The following ARHGAP6 variants were observed in gnomAD, a reference collection of about 807,000 sequenced individuals.
The protein encoded by ARHGAP6 is Rho GTPase activating protein 6, also known as rho GTPase-activating protein 6.
Under a neutral mutation model 55.7 loss-of-function variants are expected in ARHGAP6, and 16 were observed. The ratio of observed to expected loss-of-function variants is 0.29; its 90% CI spans 0.19 to 0.44. The LOEUF is 0.44. Among genes scored for constraint, ARHGAP6 ranks in the 20% least tolerant of loss-of-function variants. The probability of loss-of-function intolerance (pLI) is 1.00; values close to 1 mark genes in which losing one functional copy is unlikely to be tolerated. For missense variants in ARHGAP6, 698 were observed against 808.9 expected (o/e 0.86, Z 1.66); for synonymous variants, 382 against 360.9 (o/e 1.06, Z -0.66).
chrX:11,153,831 A>T (rs1427732980), intron 10 of ARHGAP6, among the ~76,000 whole-genome samples: 1 of 110,597 alleles, frequency 9.0e-6, no homozygotes, highest in Non-Finnish European at 1.9e-5. Context: ...TTATTATTAT[A>T]CTTTAAGTTT....
At chrX:11,615,382 A>G (rs766520597) in intron 1 of ARHGAP6, among the ~76,000 whole-genome samples, 26 of 110,981 alleles carry the variant, frequency 2.3e-4, no homozygotes, top group Non-Finnish European at 4.5e-4. Context: ...TCTTTTTTCT[A>G]CTCCCAGGAA....
chrX:11,177,871 G>A (rs1365928254), intron 8 of ARHGAP6, among the ~76,000 whole-genome samples: 2 of 111,578 alleles, frequency 1.8e-5, no homozygotes, highest in African/African-American at 6.5e-5. Flanking sequence ...GAAAATGACA[G>A]CCTCATTTGG....
intron 1 of ARHGAP6, among the ~76,000 whole-genome samples, chrX:11,297,290 C>T (rs779075042): frequency 3.6e-5 from 4 of 111,919 alleles, no homozygotes; most frequent in African/African-American, 9.7e-5. Flanking sequence ...GGAGAGACTC[C>T]GCAGAACAGC....
At chrX:11,566,986 C>T (rs376359961) in intron 1 of ARHGAP6, among the ~76,000 whole-genome samples, 3 of 111,716 alleles carry the variant, frequency 2.7e-5, no homozygotes, top group South Asian at 7.6e-4. Flanking sequence ...CACAACAAAC[C>T]CAGTAAAAAT....
At chrX:11,417,814 G>A (rs1230020501) in intron 1 of ARHGAP6, among the ~76,000 whole-genome samples, 5 of 111,725 alleles carry the variant, frequency 4.5e-5, no homozygotes, top group Non-Finnish European at 9.4e-5. Flanking sequence ...GCCCCACTAC[G>A]TACTAGCTGT....
At chrX:11,524,768 T>C (rs746646371) in intron 1 of ARHGAP6, among the ~76,000 whole-genome samples, 1 of 111,221 alleles carries the variant, frequency 9.0e-6, no homozygotes, top group African/African-American at 3.3e-5. Context: ...GTGCACCTTA[T>C]TTCTATTATT....
intron 1 of ARHGAP6, among the ~76,000 whole-genome samples, chrX:11,558,953 G>A (rs1324898709): frequency 1.2e-4 from 12 of 103,105 alleles, no homozygotes. Context: ...CTCTACTACA[G>A]TTAACTGCTT....
At chrX:11,597,732 C>T (rs772724507) in intron 1 of ARHGAP6, among the ~76,000 whole-genome samples, 4 of 111,336 alleles carry the variant, frequency 3.6e-5, no homozygotes, top group Non-Finnish European at 7.5e-5. Flanking sequence ...ATGTTCCAGG[C>T]AGAGAGAAGA....
intron 1 of ARHGAP6, among the ~76,000 whole-genome samples, chrX:11,494,300 C>T (rs1324836470): frequency 4.5e-5 from 5 of 111,992 alleles, no homozygotes; most frequent in Non-Finnish European, 7.5e-5. Context: ...TTAAAATCCA[C>T]ACAAAATGGT....
At chrX:11,268,151 C>T (rs757147429) in intron 1 of ARHGAP6, among the ~76,000 whole-genome samples, 45 of 111,795 alleles carry the variant, frequency 4.0e-4, no homozygotes, top group Non-Finnish European at 7.1e-4. Flanking sequence ...GTTTATATCA[C>T]TGGTGATATT....
chrX:11,344,874 T>C (rs1208219225), intron 1 of ARHGAP6, among the ~76,000 whole-genome samples: 1 of 110,523 alleles, frequency 9.0e-6, no homozygotes, highest in Non-Finnish European at 1.9e-5. Flanking sequence ...TACCCTTACC[T>C]GGGAGAGAGC....
intron 1 of ARHGAP6, among the ~76,000 whole-genome samples, chrX:11,645,102 A>G (rs887189053): frequency 6.3e-5 from 7 of 111,927 alleles, no homozygotes; most frequent in African/African-American, 2.3e-4. Context: ...TAAATACTGT[A>G]CAATTCAATT....
chrX:11,461,634 G>A (rs1407847997), intron 1 of ARHGAP6, among the ~76,000 whole-genome samples: 1 of 112,238 alleles, frequency 8.9e-6, no homozygotes, highest in Non-Finnish European at 1.9e-5. Context: ...TCTCTCCAAG[G>A]TACGGACTGC....
intron 2 of ARHGAP6, among the ~76,000 whole-genome samples, chrX:11,202,770 A>C (rs1197719394): frequency 5.6e-5 from 5 of 89,519 alleles, no homozygotes; most frequent in Non-Finnish European, 1.1e-4. Context: ...ACTGCACTCC[A>C]GCCTGGGTGA....
At chrX:11,241,379 C>T (rs1445199411) in intron 2 of ARHGAP6, among the ~76,000 whole-genome samples, 9 of 110,795 alleles carry the variant, frequency 8.1e-5, no homozygotes, top group Non-Finnish European at 1.7e-4. Context: ...GAGAAAATTG[C>T]AAATTCAGGA....
At chrX:11,208,383 G>A (rs530865576) in intron 2 of ARHGAP6, among the ~76,000 whole-genome samples, 3 of 111,745 alleles carry the variant, frequency 2.7e-5, no homozygotes, top group East Asian at 2.8e-4. Context: ...CCAAATTCTA[G>A]GCATGGTGTG....
chrX:11,342,466 G>A (rs769539652), intron 1 of ARHGAP6, among the ~76,000 whole-genome samples: 4 of 112,167 alleles, frequency 3.6e-5, no homozygotes, highest in Non-Finnish European at 5.6e-5. Context: ...AAATGGGACT[G>A]AAATATATAA....
At position 11,460,347 on chromosome X, in the gene ARHGAP6, T is replaced by C; in HGVS notation, c.588+203894A>G. 2.7e-5 allele frequency among the ~76,000 whole-genome samples: 3 copies of C among 111,252 alleles called. 1 individual carries two copies. The highest frequency in any genetic ancestry group is 5.7e-5 in the Non-Finnish European group (3 of 53,007). ...AATGGTAAGAAGCTAGATTTTGCCA[T>C]CAACATGAGCTTGGAAGAGGATCCT... On this transcript the variant is annotated intron_variant, in intron 1 of 12. Coordinates refer to ENST00000337414, the MANE Select transcript of ARHGAP6 (RefSeq NM_013427.3).
At chrX:11,179,174 C>G in intron 7 of ARHGAP6, 128 bp downstream of exon 7, 2 of 641,540 alleles carry the variant, frequency 3.1e-6, no homozygotes, top group Non-Finnish European at 4.5e-6. Flanking sequence ...CCTCAAATAG[C>G]TCACTCTTTA....
Sources: gnomAD v4.1 joint callset for allele counts (sites outside exome capture counted in the v4.1 genomes callset) on GRCh38, gnomAD v4.1.1 for gene constraint, MANE v1.5 for transcripts, NCBI Gene and HGNC (gene_info 2026-07-23, HGNC 2026-07-21) for gene names.